RGSL1: variants seen among roughly 807,000 people sequenced by gnomAD.
The protein encoded by RGSL1 is regulator of G protein signaling like 1, also known as regulator of G protein signaling protein-like.
Under a neutral mutation model 124.7 loss-of-function variants are expected in RGSL1, and 97 were observed. The observed-to-expected ratio is 0.78, with a 90% CI of 0.66 to 0.92. The LOEUF (loss-of-function observed/expected upper bound fraction) is 0.92. Ranked by LOEUF, RGSL1 falls within the 40% of genes least tolerant of loss-of-function variation. The pLI is 0.00. For missense variants in RGSL1, 1,233 were observed against 1,288.4 expected (o/e 0.96, Z 0.66); for synonymous variants, 424 against 438.1 (o/e 0.97, Z 0.40).
intron 18 of RGSL1, among the ~76,000 whole-genome samples, chr1:182,552,010 T>C (rs1660592974): frequency 6.6e-6 from 1 of 152,196 alleles, no homozygotes; most frequent in Non-Finnish European, 1.5e-5. Context: ...ATTTGGTTTG[T>C]GTAAGTACAT....
chr1:182,451,143 CAAAAAAAAAA>C (rs569488586), intron 1 of RGSL1, among the ~76,000 whole-genome samples: 1 of 105,076 alleles, frequency 9.5e-6, no homozygotes, highest in African/African-American at 3.6e-5. Flanking sequence ...GAGACTTTGG[CAAAAAAAAAA>C]AAAAAAAAAG....
intron 14 of RGSL1, among the ~76,000 whole-genome samples, chr1:182,535,286 C>T (rs940556479): frequency 4.6e-5 from 7 of 152,320 alleles, no homozygotes; most frequent in African/African-American, 1.7e-4. Flanking sequence ...CATACTCTTT[C>T]TATAGTTTCC....
intron 1 of RGSL1, among the ~76,000 whole-genome samples, chr1:182,452,601 C>T (rs955492156): frequency 3.9e-5 from 6 of 151,918 alleles, no homozygotes; most frequent in Non-Finnish European, 5.9e-5. Context: ...TACAGGCTCC[C>T]GCCACTATGC....
At chr1:182,462,202 A>G (rs2102002371) in intron 4 of RGSL1, among the ~76,000 whole-genome samples, 1 of 152,348 alleles carries the variant, frequency 6.6e-6, no homozygotes, top group Middle Eastern at 3.4e-3. Flanking sequence ...AGCAGGCAGT[A>G]GGTTGATATA....
rs1315274167 is a variant in RGSL1, at chr1:182,463,233, G to A, written c.301+3100G>A. ...GGCATGAACCTGGGAGGCGGAGCTT[G>A]CAGTGAGTGGAGATCACGCCACTGC... On this transcript the variant is annotated intron_variant, in intron 4 of 21. Coordinates refer to ENST00000294854, the MANE Select transcript of RGSL1 (RefSeq NM_001137669.2). 2.0e-5 allele frequency among the ~76,000 whole-genome samples: 3 copies of A among 150,356 alleles called. No homozygotes were observed. The South Asian group carries it at 6.3e-4, about 31-fold the overall frequency.
chr1:182,458,430 G>A (rs550256944), intron 3 of RGSL1, 37 bp downstream of exon 3: 12 of 1,418,470 alleles, frequency 8.5e-6, no homozygotes, highest in Admixed American at 4.2e-5. Flanking sequence ...AGTTTAGGGT[G>A]GAGAATGAGG....
intron 9 of RGSL1, among the ~76,000 whole-genome samples, chr1:182,519,443 A>G (rs987040033): frequency 6.6e-6 from 1 of 152,122 alleles, no homozygotes; most frequent in Non-Finnish European, 1.5e-5. Flanking sequence ...TTGAGGAGTC[A>G]CCTGTCAGTT....
At chr1:182,464,856 A>G (rs1217410728) in intron 4 of RGSL1, among the ~76,000 whole-genome samples, 2 of 151,956 alleles carry the variant, frequency 1.3e-5, no homozygotes, top group African/African-American at 4.8e-5. Flanking sequence ...CAAAGCTAGG[A>G]TGAGAGGATT....
At chr1:182,545,193 A>G (rs938400683) in intron 15 of RGSL1, among the ~76,000 whole-genome samples, 2 of 152,162 alleles carry the variant, frequency 1.3e-5, no homozygotes, top group Non-Finnish European at 2.9e-5. Flanking sequence ...AGGCTTACCA[A>G]AATATTTTGT....
At position 182,473,589 on chromosome 1, in the gene RGSL1, C is replaced by G. The variant is rs1484250147; in HGVS notation, c.478C>G (p.Leu160Val). Reference sequence around the variant, plus strand: ...ATTATTTCCAGAGTCCCTCCTGAACCTCTCCATCTGGCATCCCAACCAATC... The same window carrying G: ...ATTATTTCCAGAGTCCCTCCTGAACGTCTCCATCTGGCATCCCAACCAATC... ...CNMNIKSLLN[L>V]SIWHPNQSTT... The change falls in exon 6 of 22, where the codon CTC becomes GTC. Residue 160 changes from leucine (L) to valine (V), a missense_variant. By Grantham distance (32) the Leu-to-Val change is conservative. Coordinates refer to ENST00000294854, the MANE Select transcript of RGSL1 (RefSeq NM_001137669.2). 6.5e-7 allele frequency: 1 copy of G among 1,545,414 alleles called. No individual in the cohort carries two copies. Among genetic ancestry groups the G allele is most frequent in the Non-Finnish European group, 8.7e-7 (1 of 1,144,056 alleles).
In RGSL1 at chr1:182,541,581, G is replaced by A. The variant is rs184085551; in HGVS notation, c.2669+1160G>A. On this transcript the variant is annotated intron_variant, in intron 15 of 21. Coordinates refer to ENST00000294854, the MANE Select transcript of RGSL1 (RefSeq NM_001137669.2). ...TCAACATACTCATTTTCTTTCCTTT[G>A]GATATATACCCAGTATTAGGATTGC... is the stretch of plus-strand genomic sequence containing the variant. Among the ~76,000 whole-genome samples, 644 of 152,102 alleles carry A rather than the reference G, an allele frequency of 4.2e-3. 9 individuals carry two copies. The highest frequency in any genetic ancestry group is 0.014 in the African/African-American group (600 of 41,480).
At chr1:182,531,967 G>GT (rs1262329552) in intron 13 of RGSL1, among the ~76,000 whole-genome samples, 1 of 152,154 alleles carries the variant, frequency 6.6e-6, no homozygotes, top group Non-Finnish European at 1.5e-5. Flanking sequence ...CAGACTCAAA[G>GT]TTTTTTATCC....
intron 15 of RGSL1, among the ~76,000 whole-genome samples, chr1:182,547,382 G>T (rs1406782960): frequency 2.6e-5 from 1 of 37,872 alleles, no homozygotes; most frequent in Non-Finnish European, 6.7e-5. Flanking sequence ...AATAAAGGAT[G>T]TGGGGGAGGT....
At chr1:182,504,492 T>C (rs1316251282) in intron 9 of RGSL1, among the ~76,000 whole-genome samples, 1 of 144,876 alleles carries the variant, frequency 6.9e-6, no homozygotes, top group Non-Finnish European at 1.5e-5. Flanking sequence ...TTTTTTTTTT[T>C]TTTTTTTGCA....
chr1:182,552,363 CT>C (rs1660619302), intron 18 of RGSL1, among the ~76,000 whole-genome samples: 1 of 152,148 alleles, frequency 6.6e-6, no homozygotes, highest in Non-Finnish European at 1.5e-5. Flanking sequence ...ATCCACCCCC[CT>C]CAGTGTCCCA....
rs1439166449 is a variant in RGSL1 at position 182,474,202 on chromosome 1, G to A, written c.1091G>A (p.Ser364Asn). Residue 364 changes from serine (S) to asparagine (N), a missense_variant, in exon 6 of 22, where the codon AGC (serine) becomes AAC (asparagine). Coordinates refer to ENST00000294854, the MANE Select transcript of RGSL1 (RefSeq NM_001137669.2). ...KMTIQKAIKQ[S>N]FSLGYIHLAL... The stretch of plus-strand genomic sequence containing the variant: ...ACAATTCAGAAGGCCATCAAGCAAA[G>A]CTTCTCCTTAGGATACATCCACTTG... The A allele has an allele frequency of 6.4e-7, 1 of 1,552,014 alleles. No individual in the cohort carries two copies.
At chr1:182,490,565 C>G (rs1655443401) in intron 8 of RGSL1, among the ~76,000 whole-genome samples, 1 of 152,190 alleles carries the variant, frequency 6.6e-6, no homozygotes, top group Admixed American at 6.5e-5. Flanking sequence ...AGATTCCACT[C>G]TCTCTCTAAA....
intron 9 of RGSL1, among the ~76,000 whole-genome samples, chr1:182,518,596 C>T (rs1466871892): frequency 6.6e-6 from 1 of 152,186 alleles, no homozygotes; most frequent in African/African-American, 2.4e-5. Context: ...CATGAAGATG[C>T]TTCCCCTGCC....
intron 4 of RGSL1, among the ~76,000 whole-genome samples, chr1:182,470,355 T>C (rs538877262): frequency 3.9e-5 from 6 of 152,086 alleles, no homozygotes; most frequent in Admixed American, 2.6e-4. Context: ...TTTCCTCTCT[T>C]ATCTCATCTC....
Sources: allele counts gnomAD v4.1 joint callset (sites outside exome capture counted in the v4.1 genomes callset), GRCh38; gene constraint gnomAD v4.1.1; transcripts MANE v1.5; gene names NCBI Gene and HGNC (gene_info 2026-07-23, HGNC 2026-07-21).